AFAP1: variants seen among roughly 807,000 people sequenced by gnomAD.
AFAP1 encodes the protein actin filament associated protein 1, also known as actin filament-associated protein 1.
Under a neutral mutation model 93.9 loss-of-function variants are expected in AFAP1, and 75 were observed. The observed-to-expected ratio is 0.80, with a 90% CI of 0.66 to 0.97. The LOEUF is 0.97. Ranked by LOEUF, AFAP1 falls within the 50% of genes least tolerant of loss-of-function variation. The probability of loss-of-function intolerance (pLI) is 0.00; values close to 1 mark genes in which losing one functional copy is unlikely to be tolerated. For missense variants in AFAP1, 1,201 were observed against 1,050.8 expected, an observed-to-expected ratio of 1.14 and a Z score of -1.98; for synonymous variants, 517 against 430.7, an observed-to-expected ratio of 1.20 and a Z score of -2.48.
At chr4:7,846,815 A>T (rs767899678) in intron 4 of AFAP1, among the ~76,000 whole-genome samples, 4 of 152,210 alleles carry the variant, frequency 2.6e-5, no homozygotes, top group Non-Finnish European at 1.5e-5. Flanking sequence ...TGGGGCACAT[A>T]AGACATTAGT....
At chr4:7,778,460 G>A (rs1716384062) in intron 14 of AFAP1, 1 of 455,644 alleles carries the variant, frequency 2.2e-6, no homozygotes, top group Non-Finnish European at 4.0e-6. Flanking sequence ...TCCTGACCTG[G>A]AGCCCAGGGC....
intron 7 of AFAP1, among the ~76,000 whole-genome samples, chr4:7,816,579 G>A (rs1487399497): frequency 1.3e-5 from 2 of 152,206 alleles, no homozygotes; most frequent in Admixed American, 1.3e-4. Flanking sequence ...GGGCAAGGTT[G>A]CTATCAAAAC....
intron 11 of AFAP1, among the ~76,000 whole-genome samples, chr4:7,791,944 G>A (rs16841283): frequency 0.12 from 17,644 of 151,922 alleles, 1,209 homozygotes; most frequent in East Asian, 0.22. Flanking sequence ...GTCCAGCAAC[G>A]CCAATAACGA....
At chr4:7,904,770 G>A (rs1310920278) in intron 1 of AFAP1, among the ~76,000 whole-genome samples, 2 of 152,088 alleles carry the variant, frequency 1.3e-5, no homozygotes, top group Non-Finnish European at 2.9e-5. Flanking sequence ...GCAGTGGCGC[G>A]ATGATGGTTC....
At chr4:7,860,008 T>C (rs186047349) in intron 3 of AFAP1, among the ~76,000 whole-genome samples, 2 of 152,160 alleles carry the variant, frequency 1.3e-5, no homozygotes, top group African/African-American at 4.8e-5. Context: ...CCAGGCATGA[T>C]GGTGCATGCC....
chr4:7,863,368 C>A (rs1334345620), intron 3 of AFAP1, among the ~76,000 whole-genome samples: 6 of 151,998 alleles, frequency 3.9e-5, no homozygotes, highest in Non-Finnish European at 7.4e-5. Context: ...GCAGTGAGCC[C>A]AGATCGTGCC....
intron 1 of AFAP1, among the ~76,000 whole-genome samples, chr4:7,903,152 G>T (rs28396675): frequency 6.6e-6 from 1 of 152,158 alleles, no homozygotes; most frequent in Non-Finnish European, 1.5e-5. Context: ...ACAGAAGAAA[G>T]AAGAATAAGG....
Position 7,759,172 on chromosome 4 carries a change from C to T in AFAP1, c.*4593G>A, listed in dbSNP as rs986843399. On this transcript the variant is annotated 3_prime_UTR_variant, in exon 18 of 18. Transcript: ENST00000420658. ...AAAATGTAAAGTGAATATTTCCTTT[C>T]TTGTTAGAAAATCAAAAAGATTATC... 2 of 152,636 alleles carry T rather than the reference C, an allele frequency of 1.3e-5. No individual in the cohort carries two copies. The highest frequency in any genetic ancestry group is 2.9e-5 in the Non-Finnish European group (2 of 68,032). The allele number at this position is 152,636 out of a possible 1,614,324, so 9.5% of individuals were successfully genotyped here.
rs773999790 is a variant in AFAP1, at chr4:7,781,515, C to G, written c.1643G>C (p.Arg548Pro). Residue 548 changes from arginine to proline, a missense_variant, in exon 13 of 18, where the codon CGC (arginine) becomes CCC (proline). Coordinates refer to ENST00000420658, the MANE Select transcript of AFAP1 (RefSeq NM_001134647.2). The stretch of plus-strand genomic sequence containing the variant: ...GGCCTTTCTGTCAGCAGGAGAGTAG[C>G]GGGCAAAGATGTGCGGAGGCGGCAA... ...DNLPPPHIFARYSPADRKASR... is the reference protein window; with the variant it reads ...DNLPPPHIFAPYSPADRKASR... The G allele has an allele frequency of 1.4e-5, 21 of 1,552,082 alleles. No individual in the cohort carries two copies. The highest frequency in any genetic ancestry group is 1.7e-5 in the Non-Finnish European group (19 of 1,147,136).
chr4:7,777,085 CAG>C (rs535246733), intron 14 of AFAP1: 2 of 152,178 alleles, frequency 1.3e-5, no homozygotes, highest in Non-Finnish European at 2.9e-5. Flanking sequence ...CAGGTACTGA[CAG>C]AGAAACACCA....
chr4:7,820,879 G>A (rs1720916173), intron 6 of AFAP1, among the ~76,000 whole-genome samples: 1 of 152,150 alleles, frequency 6.6e-6, no homozygotes, highest in South Asian at 2.1e-4. Flanking sequence ...AATGCTTTGG[G>A]AGGCTGAGGT....
intron 1 of AFAP1, among the ~76,000 whole-genome samples, chr4:7,893,999 A>G (rs1416680029): frequency 7.2e-5 from 11 of 152,210 alleles, no homozygotes; most frequent in Admixed American, 7.2e-4. Flanking sequence ...ATCACCAGCA[A>G]AGACCTCAAG....
At chr4:7,892,476 C>T (rs890805623) in intron 1 of AFAP1, among the ~76,000 whole-genome samples, 6 of 152,136 alleles carry the variant, frequency 3.9e-5, no homozygotes, top group African/African-American at 1.4e-4. Flanking sequence ...CCCACAGAAA[C>T]GGGGAGGTGG....
intron 1 of AFAP1, among the ~76,000 whole-genome samples, chr4:7,872,648 T>C (rs1401918557): frequency 6.6e-6 from 1 of 152,160 alleles, no homozygotes; most frequent in African/African-American, 2.4e-5. Context: ...GACTTGACTT[T>C]TCCTCTGATA....
At chr4:7,907,727 T>C (rs1392929498) in intron 1 of AFAP1, among the ~76,000 whole-genome samples, 2 of 152,054 alleles carry the variant, frequency 1.3e-5, no homozygotes, top group African/African-American at 4.8e-5. Flanking sequence ...TAATACATAT[T>C]CAAAAATCCA....
chr4:7,854,310 G>A (rs1372198849), intron 4 of AFAP1, among the ~76,000 whole-genome samples: 1 of 151,778 alleles, frequency 6.6e-6, no homozygotes, highest in Non-Finnish European at 1.5e-5. Flanking sequence ...ACTAAGTATT[G>A]ACATTTGGCC....
intron 1 of AFAP1, among the ~76,000 whole-genome samples, chr4:7,895,812 A>G (rs991094410): frequency 6.6e-6 from 1 of 150,616 alleles, no homozygotes; most frequent in Admixed American, 6.6e-5. Context: ...CCACATTCAC[A>G]CTTTACCACT....
chr4:7,832,510 T>G (rs991198582), intron 6 of AFAP1, among the ~76,000 whole-genome samples: 10 of 151,822 alleles, frequency 6.6e-5, no homozygotes, highest in Non-Finnish European at 8.8e-5. Flanking sequence ...TTCTACCAGG[T>G]TTTCCCACCC....
At chr4:7,848,604 C>A (rs1034944334) in intron 4 of AFAP1, among the ~76,000 whole-genome samples, 1 of 152,174 alleles carries the variant, frequency 6.6e-6, no homozygotes, top group Non-Finnish European at 1.5e-5. Context: ...TCTCTCTGGG[C>A]CTCCAGCCTA....
Sources: allele counts gnomAD v4.1 joint callset (sites outside exome capture counted in the v4.1 genomes callset), GRCh38; gene constraint gnomAD v4.1.1; transcripts MANE v1.5; gene names NCBI Gene and HGNC (gene_info 2026-07-23, HGNC 2026-07-21).